Variants in CDH20 observed in about 807,000 individuals in gnomAD.
The protein encoded by CDH20 is cadherin 20, also known as cadherin-20.
CDH20 carries 29 observed loss-of-function variants against 74.2 expected under a neutral mutation model. The observed-to-expected ratio is 0.39, with a 90% CI of 0.29 to 0.53. CDH20 has a LOEUF of 0.53. Among genes scored for constraint, CDH20 ranks in the 20% least tolerant of loss-of-function variants. The probability of loss-of-function intolerance (pLI) is 0.69; values close to 1 mark genes in which losing one functional copy is unlikely to be tolerated. For synonymous variants in CDH20, 469 were observed against 405.4 expected, an observed-to-expected ratio of 1.16 and a Z score of -1.88; for missense variants, 988 against 1,048.3, an observed-to-expected ratio of 0.94 and a Z score of 0.79.
chr18:61,503,643 C>T (rs1305326418), intron 5 of CDH20, among the ~76,000 whole-genome samples: 1 of 152,194 alleles, frequency 6.6e-6, no homozygotes, highest in Non-Finnish European at 1.5e-5. Context: ...TGGTGAGACC[C>T]CTGGACATGA....
chr18:61,347,330 A>T (rs1319906446), intron 1 of CDH20, among the ~76,000 whole-genome samples: 8 of 134,338 alleles, frequency 6.0e-5, no homozygotes, highest in Non-Finnish European at 1.2e-4. Context: ...ACACACACAC[A>T]CACACACACA....
chr18:61,510,510 C>T (rs1246219718), intron 6 of CDH20, among the ~76,000 whole-genome samples: 1 of 152,130 alleles, frequency 6.6e-6, no homozygotes, highest in Non-Finnish European at 1.5e-5. Flanking sequence ...GTGTTTATAA[C>T]TTTTTTCTAT....
chr18:61,500,684 T>A (rs567882101), intron 4 of CDH20, among the ~76,000 whole-genome samples, 182 bp downstream of exon 4: 1 of 152,278 alleles, frequency 6.6e-6, no homozygotes, highest in African/African-American at 2.4e-5. Flanking sequence ...AGAGCAGCAC[T>A]ATGCATAGAC....
chr18:61,339,891 C>T (rs1413424028), intron 1 of CDH20, among the ~76,000 whole-genome samples: 1 of 151,726 alleles, frequency 6.6e-6, no homozygotes, highest in Non-Finnish European at 1.5e-5. Flanking sequence ...AGGGTTTCAC[C>T]GTGTTAGCCA....
chr18:61,494,892 TTACTCAAGG>T (rs2144305605), intron 2 of CDH20, among the ~76,000 whole-genome samples: 1 of 152,282 alleles, frequency 6.6e-6, no homozygotes, highest in East Asian at 1.9e-4. Context: ...ATACTCGAAA[TTACTCAAGG>T]TACTCTGAAA....
Position 61,555,133 on chromosome 18 carries a change from G to T in CDH20, c.*438G>T. ...ATCTTATTCTCCATTTAAGAGTTTTGCTGGCTCAAACCACAGAAACCAACC... is the reference window on the plus strand; with the variant it reads ...ATCTTATTCTCCATTTAAGAGTTTTTCTGGCTCAAACCACAGAAACCAACC... On this transcript the variant is annotated 3_prime_UTR_variant, in exon 12 of 12. Coordinates refer to ENST00000262717, the MANE Select transcript of CDH20 (RefSeq NM_031891.4). 1 of 996,568 alleles carries T rather than the reference G, an allele frequency of 1.0e-6. No homozygotes were observed. 61.7% of individuals were successfully genotyped at this position (996,568 alleles called of 1,614,324 possible). A position where few individuals can be genotyped will look rare whatever the true frequency, so the allele number is the denominator to read the frequency against.
intron 1 of CDH20, among the ~76,000 whole-genome samples, chr18:61,436,505 T>C (rs1908845923): frequency 1.3e-5 from 2 of 152,186 alleles, no homozygotes; most frequent in South Asian, 4.1e-4. Flanking sequence ...ACTAATGAAG[T>C]TCAGTTTTAG....
chr18:61,452,136 T>C lies in CDH20; in HGVS notation c.-152-38266T>C, dbSNP rs1473764441. Among the ~76,000 whole-genome samples the C allele has an allele frequency of 2.0e-5, 3 of 152,136 alleles. No homozygotes were observed. In the East Asian group the frequency reaches 5.8e-4, roughly 29 times the overall value. On this transcript the variant is annotated intron_variant, in intron 1 of 11. Transcript: ENST00000262717. The stretch of plus-strand genomic sequence containing the variant: ...CCCTCCCAACAGTCCTCCAGTGATA[T>C]CTCCTCCTTCCATTCAGTTCTTATA...
In CDH20 at chr18:61,548,766, A is replaced by G. The variant is rs112312167; in HGVS notation, c.1649-1212A>G. On this transcript the variant is annotated intron_variant, in intron 10 of 11. Coordinates refer to ENST00000262717, the MANE Select transcript of CDH20 (RefSeq NM_031891.4). The stretch of plus-strand genomic sequence containing the variant: ...ACTACAGCAAGGAAAGAGCATGGAG[A>G]CTTACACACCAGCTCATACAGACTT... Among the ~76,000 whole-genome samples the G allele has an allele frequency of 1.0e-2, 1,518 of 152,342 alleles. 28 individuals carry two copies. The highest frequency in any genetic ancestry group is 0.034 in the African/African-American group (1,425 of 41,566).
Position 61,503,070 on chromosome 18 carries a change from T to G in CDH20, c.779T>G (p.Val260Gly). 2 of 1,613,648 alleles carry G rather than the reference T, an allele frequency of 1.2e-6. No homozygotes were observed. Among genetic ancestry groups the G allele is most frequent in the Non-Finnish European group, 8.5e-7 (1 of 1,179,810 alleles). ...QLGGLAGTTT[V>G]NITLSDVNDN... Reference sequence around the variant, plus strand: ...GGAGGATTAGCTGGGACCACAACAGTCAACATCACCCTCTCAGATGTCAAT... The same window carrying G: ...GGAGGATTAGCTGGGACCACAACAGGCAACATCACCCTCTCAGATGTCAAT... The change falls in exon 5 of 12, where the codon GTC becomes GGC. Residue 260 changes from valine to glycine, a missense_variant. Coordinates refer to ENST00000262717, the MANE Select transcript of CDH20 (RefSeq NM_031891.4).
rs900684120 is a variant in CDH20, at chr18:61,389,959, T to C, written c.-153+56132T>C. ...GCACATAAATATGCTCCAGTAACAG[T>C]CATCTTAAAAATAAAACAAAAACCT... On this transcript the variant is annotated intron_variant, in intron 1 of 11. Coordinates refer to ENST00000262717, the MANE Select transcript of CDH20 (RefSeq NM_031891.4). 2.0e-5 allele frequency among the ~76,000 whole-genome samples: 3 copies of C among 152,144 alleles called. No individual in the cohort carries two copies. In the East Asian group the frequency reaches 5.8e-4, roughly 29 times the overall value.
At chr18:61,391,823 A>G (rs1402237846) in intron 1 of CDH20, 1 of 152,190 alleles carries the variant, frequency 6.6e-6, no homozygotes, top group Admixed American at 6.5e-5. Context: ...TAAAAAAAAT[A>G]AAAAGACAGA....
chr18:61,376,871 G>T (rs770229574), intron 1 of CDH20, among the ~76,000 whole-genome samples: 4 of 152,092 alleles, frequency 2.6e-5, no homozygotes, highest in Non-Finnish European at 4.4e-5. Flanking sequence ...AGGCAGAGTT[G>T]GTTATGTGTG....
intron 1 of CDH20, among the ~76,000 whole-genome samples, chr18:61,343,294 T>A (rs924165860): frequency 6.6e-6 from 1 of 152,204 alleles, no homozygotes; most frequent in Non-Finnish European, 1.5e-5. Flanking sequence ...CACATTATGG[T>A]ATGCCAGTCA....
intron 1 of CDH20, among the ~76,000 whole-genome samples, chr18:61,469,165 T>C (rs1220642644): frequency 6.6e-6 from 1 of 152,176 alleles, no homozygotes; most frequent in Non-Finnish European, 1.5e-5. Context: ...GCTATGTTTG[T>C]TTCATGTCAG....
chr18:61,348,832 C>G (rs566094283), intron 1 of CDH20, among the ~76,000 whole-genome samples: 11 of 152,226 alleles, frequency 7.2e-5, no homozygotes, highest in Middle Eastern at 3.4e-3. Context: ...CAAACTTCAG[C>G]TTGGTAAAAC....
intron 1 of CDH20, among the ~76,000 whole-genome samples, chr18:61,486,060 G>A (rs1410734570): frequency 5.0e-5 from 7 of 139,930 alleles, no homozygotes; most frequent in African/African-American, 1.1e-4. Flanking sequence ...GCGACAGAGC[G>A]AGACTCCATC....
chr18:61,546,028 A>T (rs535247123), intron 10 of CDH20, among the ~76,000 whole-genome samples: 443 of 152,330 alleles, frequency 2.9e-3, no homozygotes, highest in African/African-American at 0.01. Context: ...CAAAAGAAAA[A>T]AAAAGGTCAG....
intron 6 of CDH20, among the ~76,000 whole-genome samples, chr18:61,515,165 A>G (rs575045654): frequency 6.6e-6 from 1 of 152,170 alleles, no homozygotes; most frequent in South Asian, 2.1e-4. Flanking sequence ...CCGTGGGCCT[A>G]GGACCCTCGG....
Sources: gnomAD v4.1 joint callset for allele counts (sites outside exome capture counted in the v4.1 genomes callset) on GRCh38, gnomAD v4.1.1 for gene constraint, MANE v1.5 for transcripts, NCBI Gene and HGNC (gene_info 2026-07-23, HGNC 2026-07-21) for gene names.